Variants in LYPLAL1 observed in about 807,000 individuals in gnomAD.
LYPLAL1 encodes lysophospholipase-like protein 1.
A neutral mutation model predicts 19.7 loss-of-function variants in LYPLAL1; 23 were observed. That is an observed-to-expected ratio of 1.17 (90% CI 0.84 to 1.65). LYPLAL1 has a LOEUF of 1.65. Among genes scored for constraint, LYPLAL1 ranks in the 40% most tolerant of loss-of-function variants. The pLI is 0.00. For synonymous variants in LYPLAL1, 119 were observed against 96.3 expected (o/e 1.24, Z -1.38); for missense variants, 355 against 279.4 (o/e 1.27, Z -1.93).
the LYPLAL1 span, among the ~76,000 whole-genome samples, chr1:219,237,395 G>C: frequency 6.6e-6 from 1 of 152,098 alleles, no homozygotes; most frequent in South Asian, 2.1e-4. Context: ...CTGTGTGTGG[G>C]AGAAAAAAGC....
the LYPLAL1 span, among the ~76,000 whole-genome samples, chr1:219,383,012 A>T: frequency 6.6e-6 from 1 of 152,176 alleles, no homozygotes; most frequent in Non-Finnish European, 1.5e-5. Context: ...AACAAATTAT[A>T]TGTAGATTTC....
chr1:219,416,262 C>G, the LYPLAL1 span, among the ~76,000 whole-genome samples: 194 of 152,336 alleles, frequency 1.3e-3, 1 homozygote, highest in Admixed American at 2.1e-3. Flanking sequence ...TTACACTCCT[C>G]TTGGTTGTGA....
chr1:219,190,631 A>AAAC (rs1553299321), intron 2 of LYPLAL1, among the ~76,000 whole-genome samples: 2 of 150,140 alleles, frequency 1.3e-5, no homozygotes, highest in Non-Finnish European at 3.0e-5. Context: ...GTAAAAAAAA[A>AAAC]AAAAAAAAAA....
the LYPLAL1 span, among the ~76,000 whole-genome samples, chr1:219,245,451 C>T: frequency 6.6e-6 from 1 of 152,186 alleles, no homozygotes; most frequent in Non-Finnish European, 1.5e-5. Context: ...AATCCCTTAG[C>T]AACCCCCAAC....
At chr1:219,433,017 C>T in the LYPLAL1 span, among the ~76,000 whole-genome samples, 1 of 152,158 alleles carries the variant, frequency 6.6e-6, no homozygotes, top group Non-Finnish European at 1.5e-5. Context: ...GTCTCATCTG[C>T]GTGTGCCTCA....
chr1:219,190,086 A>G (rs1479636575), intron 2 of LYPLAL1, among the ~76,000 whole-genome samples: 1 of 151,642 alleles, frequency 6.6e-6, no homozygotes, highest in Non-Finnish European at 1.5e-5. Flanking sequence ...TTAGTGGAAC[A>G]AAATAGAGCC....
At chr1:219,361,481 C>T in the LYPLAL1 span, among the ~76,000 whole-genome samples, 1 of 152,128 alleles carries the variant, frequency 6.6e-6, no homozygotes, top group African/African-American at 2.4e-5. Flanking sequence ...CTGCACAACC[C>T]AAGCTATTTC....
At chr1:219,418,878 T>G in the LYPLAL1 span, among the ~76,000 whole-genome samples, 1 of 152,260 alleles carries the variant, frequency 6.6e-6, no homozygotes, top group African/African-American at 2.4e-5. Context: ...TTTGCTAGAA[T>G]GTCATATAGT....
chr1:219,440,556 G>A, the LYPLAL1 span, among the ~76,000 whole-genome samples: 1,960 of 152,240 alleles, frequency 0.013, 36 homozygotes, highest in African/African-American at 0.044. Flanking sequence ...TATCAGTAAA[G>A]ATAATGGCAA....
At chr1:219,215,927 A>T (rs543898758), downstream of LYPLAL1, among the ~76,000 whole-genome samples, 1 of 152,154 alleles carries the variant, frequency 6.6e-6, no homozygotes, top group Non-Finnish European at 1.5e-5. Flanking sequence ...TAGAAGCTAA[A>T]TGATCCTTTA....
chr1:219,289,932 T>C, the LYPLAL1 span, among the ~76,000 whole-genome samples: 1 of 152,216 alleles, frequency 6.6e-6, no homozygotes, highest in African/African-American at 2.4e-5. Flanking sequence ...CCTTCCTTAA[T>C]TGAATGAGAA....
the LYPLAL1 span, among the ~76,000 whole-genome samples, chr1:219,363,266 CT>C: frequency 6.6e-6 from 1 of 152,134 alleles, no homozygotes; most frequent in Non-Finnish European, 1.5e-5. Context: ...CAATTATCTA[CT>C]CTTGCACTGT....
chr1:219,415,835 TC>T, the LYPLAL1 span, among the ~76,000 whole-genome samples: 1 of 152,218 alleles, frequency 6.6e-6, no homozygotes, highest in Non-Finnish European at 1.5e-5. Context: ...TGGCCAGTAA[TC>T]TTGAGTGCCC....
the LYPLAL1 span, among the ~76,000 whole-genome samples, chr1:219,412,968 C>T: frequency 7.9e-5 from 12 of 152,138 alleles, no homozygotes; most frequent in African/African-American, 2.9e-4. Flanking sequence ...AGAGACTTTT[C>T]AATCCAATCT....
the LYPLAL1 span, among the ~76,000 whole-genome samples, chr1:219,284,002 G>A: frequency 7.2e-5 from 11 of 152,276 alleles, no homozygotes; most frequent in African/African-American, 2.4e-4. Flanking sequence ...TATGGAGGGA[G>A]GGAAGTGATT....
the LYPLAL1 span, among the ~76,000 whole-genome samples, chr1:219,292,960 T>C: frequency 6.6e-6 from 1 of 152,178 alleles, no homozygotes; most frequent in Non-Finnish European, 1.5e-5. Flanking sequence ...CGATGTCTTG[T>C]TAATATACTA....
the LYPLAL1 span, among the ~76,000 whole-genome samples, chr1:219,289,273 C>A: frequency 5.3e-5 from 8 of 152,080 alleles, no homozygotes; most frequent in African/African-American, 1.9e-4. Flanking sequence ...ACCTCCCAAT[C>A]ATCGTGATCT....
the LYPLAL1 span, among the ~76,000 whole-genome samples, chr1:219,360,072 G>A: frequency 6.6e-6 from 1 of 152,188 alleles, no homozygotes; most frequent in Non-Finnish European, 1.5e-5. Context: ...GGGAAATTCA[G>A]TCAGGATTAT....
At chr1:219,434,297 A>T in the LYPLAL1 span, among the ~76,000 whole-genome samples, 2 of 152,252 alleles carry the variant, frequency 1.3e-5, no homozygotes, top group African/African-American at 4.8e-5. Context: ...AGAGTGAACA[A>T]TGCTTTGAAT....
Sources: allele counts gnomAD v4.1 joint callset (sites outside exome capture counted in the v4.1 genomes callset), GRCh38; gene constraint gnomAD v4.1.1; transcripts MANE v1.5; gene names NCBI Gene and HGNC (gene_info 2026-07-23, HGNC 2026-07-21).